Variants in EFHD1 observed in about 807,000 individuals in gnomAD.
The protein encoded by EFHD1 is EF-hand domain family member D1.
In EFHD1, 10 loss-of-function variants were observed where a neutral mutation model predicts 17.2. The observed-to-expected ratio is 0.58, with a 90% confidence interval of 0.36 to 0.99. The LOEUF (loss-of-function observed/expected upper bound fraction) is 0.99. EFHD1 is among the 50% of genes least tolerant of loss of function. The pLI, the probability that EFHD1 is intolerant of heterozygous loss-of-function variation, is 0.01. For missense variants in EFHD1, 310 were observed against 327.5 expected (o/e 0.95, Z 0.41); for synonymous variants, 153 against 142.0 (o/e 1.08, Z -0.55).
chr2:232,674,139 C>T (rs1553601621), intron 3 of EFHD1, among the ~76,000 whole-genome samples: 1 of 152,158 alleles, frequency 6.6e-6, no homozygotes, highest in Non-Finnish European at 1.5e-5. Flanking sequence ...AAACTCCTGA[C>T]CTCGTGATCT....
chr2:232,631,286 TTCTCTCTC>T (rs955159128), upstream of EFHD1, among the ~76,000 whole-genome samples: 2 of 148,118 alleles, frequency 1.4e-5, no homozygotes, highest in South Asian at 2.2e-4. Flanking sequence ...CTCTCTTTCT[TTCTCTCTC>T]TCTCTCTCTG....
Position 232,606,082 on chromosome 2 carries a change from C to G in EFHD1, c.-78C>G, listed in dbSNP as rs1163621117. ...GCTAAGTGCAGGCGGATACCCCGGCCTTGGCGGCTGCTTGCCTTTCTCCGT... is the reference window on the plus strand; with the variant it reads ...GCTAAGTGCAGGCGGATACCCCGGCGTTGGCGGCTGCTTGCCTTTCTCCGT... On this transcript the variant is annotated 5_prime_UTR_variant, in exon 1 of 4. Transcript: ENST00000409613. The G allele has an allele frequency of 5.3e-6, 8 of 1,508,642 alleles. No homozygotes were observed. In the East Asian group the frequency reaches 1.2e-4, roughly 23 times the overall value. 93.5% of individuals were successfully genotyped at this position (1,508,642 alleles called of 1,614,324 possible).
chr2:232,620,513 G>A (rs1694001644), intron 1 of EFHD1, among the ~76,000 whole-genome samples: 2 of 151,654 alleles, frequency 1.3e-5, no homozygotes, highest in South Asian at 4.2e-4. Context: ...AGCCTCCTGA[G>A]TAGCTGGGAC....
intron 3 of EFHD1, among the ~76,000 whole-genome samples, chr2:232,674,756 G>A (rs1056752829): frequency 1.3e-5 from 2 of 152,080 alleles, no homozygotes; most frequent in Admixed American, 6.6e-5. Flanking sequence ...TAAAGGAGCC[G>A]CCATTTGTGA....
chr2:232,663,604 T>G (rs899745351), intron 2 of EFHD1, among the ~76,000 whole-genome samples: 2 of 152,094 alleles, frequency 1.3e-5, no homozygotes, highest in African/African-American at 2.4e-5. Flanking sequence ...TGGCTTCAAG[T>G]GATCCTCTGC....
At position 232,626,908 on chromosome 2, in the gene EFHD1, G is replaced by A. The variant is rs560712729; in HGVS notation, c.14+20735G>A. On this transcript the variant is annotated intron_variant, in intron 1 of 3. Transcript: ENST00000409613. ...CAGAGAAAAACTAGAATTTTGGGCC[G>A]AGCATGATGGCTCTTGCCTGTAATC... 9.2e-5 allele frequency among the ~76,000 whole-genome samples: 14 copies of A among 151,830 alleles called. No individual in the cohort carries two copies. The East Asian group carries it at 9.7e-4, about 11-fold the overall frequency.
chr2:232,628,476 G>A (rs1017061914), intron 1 of EFHD1, among the ~76,000 whole-genome samples: 3 of 152,202 alleles, frequency 2.0e-5, no homozygotes, highest in Non-Finnish European at 4.4e-5. Context: ...AAAAACAAGT[G>A]GGAGGGAATA....
rs1336990165 is a variant in EFHD1, at chr2:232,633,977, C to G, written c.273C>G (p.Leu91=). 6.3e-7 allele frequency: 1 copy of G among 1,597,544 alleles called. No homozygotes were observed. The highest frequency in any genetic ancestry group is 8.5e-7 in the Non-Finnish European group (1 of 1,179,168). Residue 91 remains leucine (L), a synonymous_variant, in exon 1 of 4, where the codon CTC becomes CTG. Coordinates refer to ENST00000264059, the MANE Select transcript of EFHD1 (RefSeq NM_025202.4). ...AGTTCCCGGAGTTCAGCCGCCGCCT[C>G]ATCAAGGACCTGGAGAGCATGTTCA... ...YTEFPEFSRR[L]IKDLESMFKL...
chr2:232,671,384 A>G (rs1341876533), intron 2 of EFHD1, among the ~76,000 whole-genome samples: 1 of 152,094 alleles, frequency 6.6e-6, no homozygotes, highest in Non-Finnish European at 1.5e-5. Context: ...GGTTGCAGTG[A>G]GCTATGAACA....
chr2:232,636,536 G>A (rs1190878397), intron 1 of EFHD1, among the ~76,000 whole-genome samples: 2 of 152,118 alleles, frequency 1.3e-5, no homozygotes, highest in African/African-American at 4.8e-5. Flanking sequence ...GGGTAAATGT[G>A]CACATTTGGC....
At chr2:232,625,719 A>T (rs1574704986) in intron 1 of EFHD1, among the ~76,000 whole-genome samples, 1 of 152,262 alleles carries the variant, frequency 6.6e-6, no homozygotes, top group East Asian at 1.9e-4. Context: ...CATAATACTA[A>T]GACAGTATTT....
At chr2:232,614,088 TAC>T (rs747749900) in intron 1 of EFHD1, among the ~76,000 whole-genome samples, 1 of 45,026 alleles carries the variant, frequency 2.2e-5, no homozygotes, top group Non-Finnish European at 6.0e-5. Flanking sequence ...CACACATATA[TAC>T]ACACATACAC....
upstream of EFHD1, chr2:232,633,488 C>G: frequency 8.0e-7 from 1 of 1,251,254 alleles, no homozygotes; most frequent in Non-Finnish European, 1.0e-6. Flanking sequence ...CTCCTCCCAC[C>G]AGGCTGGCAG....
intron 1 of EFHD1, among the ~76,000 whole-genome samples, chr2:232,625,667 A>G (rs1694093480): frequency 1.3e-5 from 2 of 152,174 alleles, no homozygotes; most frequent in South Asian, 4.1e-4. Context: ...AGGTAGATTA[A>G]TGATTCCTCA....
At chr2:232,663,620 C>G (rs530966995) in intron 2 of EFHD1, among the ~76,000 whole-genome samples, 1 of 152,108 alleles carries the variant, frequency 6.6e-6, no homozygotes, top group African/African-American at 2.4e-5. Context: ...TCTGCCTTGG[C>G]CTTCCAAATT....
At chr2:232,606,277 G>A (rs1300265651) in intron 1 of EFHD1, 1 of 1,395,946 alleles carries the variant, frequency 7.2e-7, no homozygotes, top group Non-Finnish European at 1.0e-6. Flanking sequence ...GTAATTCCTG[G>A]CTTTCGCCAC....
At chr2:232,666,099 A>G (rs1266276632) in intron 2 of EFHD1, among the ~76,000 whole-genome samples, 1 of 152,228 alleles carries the variant, frequency 6.6e-6, no homozygotes, top group Non-Finnish European at 1.5e-5. Context: ...TCCCTCAGCC[A>G]TGATGAACTG....
chr2:232,633,388 C>T, upstream of EFHD1: 1 of 1,083,570 alleles, frequency 9.2e-7, no homozygotes. Context: ...TGCCTGGTCC[C>T]GGGGGGACGG....
intron 3 of EFHD1, among the ~76,000 whole-genome samples, chr2:232,675,107 C>T (rs1292188102): frequency 1.3e-5 from 2 of 149,990 alleles, no homozygotes; most frequent in Admixed American, 6.7e-5. Flanking sequence ...ACCCGGGAGG[C>T]GGAGGCTGCA....
Sources: gnomAD v4.1 joint callset for allele counts (sites outside exome capture counted in the v4.1 genomes callset) on GRCh38, gnomAD v4.1.1 for gene constraint, MANE v1.5 for transcripts, NCBI Gene and HGNC (gene_info 2026-07-23, HGNC 2026-07-21) for gene names.